The following LRP1B variants were observed in gnomAD, a reference collection of about 807,000 sequenced individuals.
LRP1B encodes LDL receptor related protein 1B, also known as low-density lipoprotein receptor-related protein 1B.
In LRP1B, 217 loss-of-function variants were observed where a neutral mutation model predicts 556.6. The observed-to-expected ratio is 0.39, with a 90% confidence interval of 0.35 to 0.44. The LOEUF is 0.44. Among genes scored for constraint, LRP1B ranks in the 20% least tolerant of loss-of-function variants. The pLI is 1.00. For missense variants in LRP1B, 5,053 were observed against 5,620.8 expected (o/e 0.90, Z 3.23); for synonymous variants, 2,047 against 1,865.8 (o/e 1.10, Z -2.50).
intron 41 of LRP1B, among the ~76,000 whole-genome samples, chr2:140,681,800 G>A (rs189784630): frequency 7.2e-5 from 11 of 152,120 alleles, no homozygotes; most frequent in Non-Finnish European, 7.4e-5. Flanking sequence ...TTCAAATCAC[G>A]TTTCTATCTT....
intron 29 of LRP1B, among the ~76,000 whole-genome samples, chr2:140,842,242 T>A (rs1318072707): frequency 6.6e-6 from 1 of 152,204 alleles, no homozygotes; most frequent in Non-Finnish European, 1.5e-5. Flanking sequence ...CTGTAAAGTA[T>A]GCCAACTAGT....
In LRP1B at chr2:140,700,421, A is replaced by T. The variant is rs759438391; in HGVS notation, c.6628T>A (p.Ser2210Thr). ...IHLSDETNLN[S>T]PIRPYENPRY... Reference sequence around the variant, plus strand: ...GGATTCTCATATGGCCTTATTGGGGAATTTAAATTGGTTTCATCAGAAAGA... The same window carrying T: ...GGATTCTCATATGGCCTTATTGGGGTATTTAAATTGGTTTCATCAGAAAGA... Residue 2210 changes from serine (S) to threonine (T), a missense_variant, in exon 41 of 91, where the codon TCC becomes ACC. Coordinates refer to ENST00000389484, the MANE Select transcript of LRP1B (RefSeq NM_018557.3). The T allele has an allele frequency of 5.0e-6, 8 of 1,613,164 alleles. No individual in the cohort carries two copies. Among genetic ancestry groups the T allele is most frequent in the Non-Finnish European group, 6.8e-6 (8 of 1,179,538 alleles).
chr2:140,769,507 C>T (rs1318146949), intron 34 of LRP1B, among the ~76,000 whole-genome samples, 163 bp from the exon 35 acceptor site: 1 of 151,784 alleles, frequency 6.6e-6, no homozygotes. Flanking sequence ...TCCTGACTAA[C>T]GAAAGGTAGG....
Position 140,511,052 on chromosome 2 carries a change from C to T in LRP1B, c.8270-996G>A, listed in dbSNP as rs117347483. Among the ~76,000 whole-genome samples the T allele has an allele frequency of 5.0e-3, 755 of 151,314 alleles. 23 individuals carry two copies. In the East Asian group the frequency reaches 0.085, roughly 17 times the overall value. ...GACCCAAAGTTGCCCAGAATTGATG[C>T]TAAAAAAGAAATTTGTTGAAGTGTT... On this transcript the variant is annotated intron_variant, in intron 51 of 90. Coordinates refer to ENST00000389484, the MANE Select transcript of LRP1B (RefSeq NM_018557.3).
chr2:141,319,299 G>GTTTTT lies in LRP1B; in HGVS notation c.344-64663_344-64659dup, dbSNP rs201761576. Among the ~76,000 whole-genome samples the GTTTTT allele has an allele frequency of 7.0e-4, 56 of 80,402 alleles. 2 individuals carry two copies. Among genetic ancestry groups the GTTTTT allele is most frequent in the African/African-American group, 1.6e-3 (31 of 19,618 alleles). The allele number at this position is 80,402 out of a possible 152,430, so 52.7% of individuals were successfully genotyped here. A position where few individuals can be genotyped will look rare whatever the true frequency, so the allele number is the denominator to read the frequency against. ...CATAATGTAGTCTCTAAAAAGCAGT[G>GTTTTT]TTTTTTTGTTGTTTTTTTTTTTTTT... On this transcript the variant is annotated intron_variant, in intron 3 of 90. Transcript: ENST00000389484.
Position 140,776,152 on chromosome 2 carries a change from T to TC in LRP1B, c.5445dup (p.Asn1816GlufsTer2). The stretch of plus-strand genomic sequence containing the variant: ...ATATGAACTACCCCAGAAGTCTTAT[T>TC]CCGTAGGATGGTGGGGTTTCTTCCG... On this transcript the variant is annotated frameshift_variant, in exon 33 of 91. Coordinates refer to ENST00000389484, the MANE Select transcript of LRP1B (RefSeq NM_018557.3). LOFTEE classifies it high-confidence loss of function. 6.3e-7 allele frequency: 1 copy of TC among 1,586,216 alleles called. No homozygotes were observed. The highest frequency in any genetic ancestry group is 8.5e-7 in the Non-Finnish European group (1 of 1,170,284).
At chr2:140,677,471 C>G (rs6740361) in intron 41 of LRP1B, among the ~76,000 whole-genome samples, 1 of 151,636 alleles carries the variant, frequency 6.6e-6, no homozygotes, top group Admixed American at 6.6e-5. Context: ...AGAAAAAAAA[C>G]CATACACAAT....
chr2:141,232,817 T>C (rs917786934), intron 5 of LRP1B, among the ~76,000 whole-genome samples: 1 of 152,046 alleles, frequency 6.6e-6, no homozygotes, highest in South Asian at 2.1e-4. Context: ...CTCTGCTAAT[T>C]ACTAACTGTG....
At chr2:140,301,840 T>C (rs555951834) in intron 83 of LRP1B, among the ~76,000 whole-genome samples, 7 of 151,938 alleles carry the variant, frequency 4.6e-5, no homozygotes, top group African/African-American at 1.4e-4. Context: ...CATTAGAATA[T>C]GTATACTAAT....
intron 18 of LRP1B, among the ~76,000 whole-genome samples, chr2:140,970,523 C>T (rs34704424): frequency 0.13 from 19,891 of 151,832 alleles, 1,369 homozygotes; most frequent in East Asian, 0.26. Context: ...TTTCTCAACT[C>T]GTCAGTCATT....
chr2:140,845,892 C>T (rs1027333286), intron 29 of LRP1B, among the ~76,000 whole-genome samples: 6 of 152,052 alleles, frequency 3.9e-5, no homozygotes, highest in African/African-American at 1.2e-4. Flanking sequence ...TAGTCCAACA[C>T]ATTTATTAAA....
chr2:142,055,066 C>A (rs976210497), intron 1 of LRP1B, among the ~76,000 whole-genome samples: 1 of 152,054 alleles, frequency 6.6e-6, no homozygotes, highest in Non-Finnish European at 1.5e-5. Context: ...ATGCTGCTTG[C>A]GTATGTCGGT....
intron 2 of LRP1B, among the ~76,000 whole-genome samples, chr2:141,582,170 A>G (rs959957019): frequency 6.6e-6 from 1 of 152,212 alleles, no homozygotes; most frequent in East Asian, 1.9e-4. Flanking sequence ...ATTTTTAAAA[A>G]GGGCTTTTCT....
intron 7 of LRP1B, among the ~76,000 whole-genome samples, chr2:141,138,061 C>T (rs1461159767): frequency 6.6e-6 from 1 of 151,776 alleles, no homozygotes; most frequent in Non-Finnish European, 1.5e-5. Context: ...CGAATTAAAT[C>T]CTATGATATA....
At chr2:140,702,705 C>A in intron 37 of LRP1B, 152 bp from the exon 38 acceptor site, 1 of 663,728 alleles carries the variant, frequency 1.5e-6, no homozygotes, top group Non-Finnish European at 2.4e-6. Flanking sequence ...GCTTATGGTT[C>A]CGATAAAATA....
chr2:141,829,749 ATCT>A (rs763208972), intron 1 of LRP1B, among the ~76,000 whole-genome samples: 16 of 151,956 alleles, frequency 1.1e-4, no homozygotes, highest in Non-Finnish European at 1.3e-4. Flanking sequence ...CCCGTTTTGA[ATCT>A]TCTTTTTTAC....
intron 76 of LRP1B, among the ~76,000 whole-genome samples, 158 bp downstream of exon 76, chr2:140,352,794 AT>A (rs1682031420): frequency 6.6e-6 from 1 of 152,152 alleles, no homozygotes; most frequent in African/African-American, 2.4e-5. Flanking sequence ...CTAAGATTAA[AT>A]TCATTAATAT....
At chr2:140,889,503 C>T (rs1238490689) in intron 23 of LRP1B, among the ~76,000 whole-genome samples, 1 of 152,134 alleles carries the variant, frequency 6.6e-6, no homozygotes, top group Non-Finnish European at 1.5e-5. Flanking sequence ...TCCATGTTGG[C>T]CAGGATGGTC....
chr2:142,123,452 A>G (rs754653626), intron 1 of LRP1B, among the ~76,000 whole-genome samples: 1 of 151,974 alleles, frequency 6.6e-6, no homozygotes. Context: ...CCTTGATCTT[A>G]CCTAAAGAAG....
Sources: gnomAD v4.1 joint callset for allele counts (sites outside exome capture counted in the v4.1 genomes callset) on GRCh38, gnomAD v4.1.1 for gene constraint, MANE v1.5 for transcripts, NCBI Gene and HGNC (gene_info 2026-07-23, HGNC 2026-07-21) for gene names.